The following PBX1 variants were observed in gnomAD, a reference collection of about 807,000 sequenced individuals.
PBX1 encodes the protein pre-B-cell leukemia transcription factor 1.
Under a neutral mutation model 53.4 loss-of-function variants are expected in PBX1, and 6 were observed. The ratio of observed to expected loss-of-function variants is 0.11; its 90% CI spans 0.06 to 0.22. PBX1 has a LOEUF of 0.22. PBX1 is among the 10% of genes least tolerant of loss of function. PBX1 has a pLI of 1.00. For synonymous variants in PBX1, 204 were observed against 212.3 expected (o/e 0.96, Z 0.34); for missense variants, 251 against 551.4 (o/e 0.46, Z 5.46).
chr1:164,787,015 C>G (rs1181212170), intron 2 of PBX1, among the ~76,000 whole-genome samples: 1 of 152,154 alleles, frequency 6.6e-6, no homozygotes, highest in African/African-American at 2.4e-5. Flanking sequence ...CTCTGATGCT[C>G]TCAGGAAGCA....
chr1:164,734,178 T>C (rs927163743), intron 2 of PBX1, among the ~76,000 whole-genome samples: 1 of 152,228 alleles, frequency 6.6e-6, no homozygotes. Context: ...CCTACCACTA[T>C]GTACTTTGGA....
At chr1:164,609,196 C>T (rs1245123299) in intron 2 of PBX1, among the ~76,000 whole-genome samples, 1 of 151,960 alleles carries the variant, frequency 6.6e-6, no homozygotes, top group Non-Finnish European at 1.5e-5. Context: ...CCACACTACA[C>T]TGATGTACAG....
chr1:164,850,507 T>C lies in PBX1; in HGVS notation c.*3831T>C, dbSNP rs149358308. On this transcript the variant is annotated 3_prime_UTR_variant, in exon 9 of 9. Transcript: ENST00000420696. ...TTTGTTTTGTGTTATTTTTGGTTTG[T>C]TTATTGGGGGGCTTTTTTTAATTGT... is the stretch of plus-strand genomic sequence containing the variant. 0.014 allele frequency: 2,755 copies of C among 196,066 alleles called. 30 individuals carry two copies. Among genetic ancestry groups the C allele is most frequent in the Admixed American group, 0.03 (492 of 16,422 alleles). The allele number at this position is 196,066 out of a possible 1,614,324, so 12.1% of individuals were successfully genotyped here.
At chr1:164,802,192 T>C (rs1669111952) in intron 4 of PBX1, among the ~76,000 whole-genome samples, 1 of 152,268 alleles carries the variant, frequency 6.6e-6, no homozygotes, top group African/African-American at 2.4e-5. Context: ...TTTCTATTGC[T>C]GCGTAGCAGA....
chr1:164,572,789 G>A (rs756821377), intron 2 of PBX1, among the ~76,000 whole-genome samples: 2 of 152,170 alleles, frequency 1.3e-5, no homozygotes, highest in Non-Finnish European at 1.5e-5. Context: ...GGCCACTACT[G>A]TTATTTTTCT....
chr1:164,690,503 C>T lies in PBX1; in HGVS notation c.266-101991C>T, dbSNP rs114983298. ...AGAATACATTGTTCGGGCGCAGTGG[C>T]TCATGTCTGTAATCCTAGCATGGGA... is the stretch of plus-strand genomic sequence containing the variant. On this transcript the variant is annotated intron_variant, in intron 2 of 8. Coordinates refer to ENST00000420696, the MANE Select transcript of PBX1 (RefSeq NM_002585.4). Among the ~76,000 whole-genome samples the T allele has an allele frequency of 2.9e-3, 444 of 152,058 alleles. 1 individual carries two copies. The highest frequency in any genetic ancestry group is 0.01 in the African/African-American group (427 of 41,456).
chr1:164,812,193 C>T, intron 6 of PBX1, 44 bp downstream of exon 6: 1 of 1,550,764 alleles, frequency 6.4e-7, no homozygotes, highest in South Asian at 1.2e-5. Flanking sequence ...GAATTGTTCT[C>T]CATTTTTATA....
chr1:164,637,982 G>A (rs1658885737), intron 2 of PBX1, among the ~76,000 whole-genome samples: 2 of 152,192 alleles, frequency 1.3e-5, no homozygotes, highest in Non-Finnish European at 2.9e-5. Flanking sequence ...TGATTAAATA[G>A]AGCCATCGTG....
intron 3 of PBX1, among the ~76,000 whole-genome samples, chr1:164,794,480 A>G (rs1668689624): frequency 6.6e-6 from 1 of 151,988 alleles, no homozygotes; most frequent in African/African-American, 2.4e-5. Flanking sequence ...AGGGGAGGAA[A>G]ATAAAAGCAA....
intron 2 of PBX1, among the ~76,000 whole-genome samples, chr1:164,685,473 T>G (rs1383745326): frequency 6.6e-6 from 1 of 152,204 alleles, no homozygotes; most frequent in Non-Finnish European, 1.5e-5. Flanking sequence ...CAGAGTCCAC[T>G]TCCTCCCAGT....
At chr1:164,720,842 C>T (rs1479201607) in intron 2 of PBX1, among the ~76,000 whole-genome samples, 1 of 152,184 alleles carries the variant, frequency 6.6e-6, no homozygotes, top group Non-Finnish European at 1.5e-5. Context: ...GCCTTATGAC[C>T]TCTGTCCAAG....
intron 2 of PBX1, among the ~76,000 whole-genome samples, chr1:164,667,716 G>A (rs41515147): frequency 0.033 from 5,065 of 152,206 alleles, 123 homozygotes; most frequent in Admixed American, 0.057. Context: ...CCGAGACAAC[G>A]CATTTCAAAT....
chr1:164,675,876 C>T lies in PBX1; in HGVS notation c.265+112565C>T, dbSNP rs537791621. Among the ~76,000 whole-genome samples the T allele has an allele frequency of 4.6e-5, 7 of 152,238 alleles. No individual in the cohort carries two copies. In the East Asian group the frequency reaches 1.4e-3, roughly 29 times the overall value. On this transcript the variant is annotated intron_variant, in intron 2 of 8. Transcript: ENST00000420696. ...AGGTTTTAGACTTTTTGTGCATGCC[C>T]GTGTTCTGTGTGGACTGTGTGCCAG...
intron 2 of PBX1, among the ~76,000 whole-genome samples, chr1:164,777,777 T>A (rs1030719263): frequency 1.3e-5 from 2 of 152,192 alleles, no homozygotes; most frequent in Admixed American, 1.3e-4. Context: ...AAAGCAGAAA[T>A]CTCTTAGTCT....
chr1:164,786,047 A>T (rs1200111656), intron 2 of PBX1, among the ~76,000 whole-genome samples: 1 of 152,190 alleles, frequency 6.6e-6, no homozygotes, highest in East Asian at 1.9e-4. Flanking sequence ...ACAGCCTTCT[A>T]CCCAACAGCA....
chr1:164,643,022 G>A (rs1659235847), intron 2 of PBX1, among the ~76,000 whole-genome samples: 1 of 152,158 alleles, frequency 6.6e-6, no homozygotes, highest in Non-Finnish European at 1.5e-5. Flanking sequence ...TTCACTGGGA[G>A]CCTCCTGGGC....
chr1:164,617,492 G>A (rs1657357662), intron 2 of PBX1, among the ~76,000 whole-genome samples: 1 of 152,214 alleles, frequency 6.6e-6, no homozygotes, highest in Non-Finnish European at 1.5e-5. Flanking sequence ...CTGGTTATTT[G>A]TTTTAGTGTT....
At chr1:164,873,655 ACAG>A (rs1311470912) in intron 2 of PBX1, among the ~76,000 whole-genome samples, 2 of 152,228 alleles carry the variant, frequency 1.3e-5, no homozygotes, top group East Asian at 3.9e-4. Flanking sequence ...GCCTCTAAAC[ACAG>A]CATCAAAGGA....
At chr1:164,842,105 A>C (rs902765544) in intron 8 of PBX1, among the ~76,000 whole-genome samples, 1 of 152,186 alleles carries the variant, frequency 6.6e-6, no homozygotes, top group African/African-American at 2.4e-5. Flanking sequence ...GAGATGGGGC[A>C]GGTGCTTCTC....
Sources: gnomAD v4.1 joint callset for allele counts (sites outside exome capture counted in the v4.1 genomes callset) on GRCh38, gnomAD v4.1.1 for gene constraint, MANE v1.5 for transcripts, NCBI Gene and HGNC (gene_info 2026-07-23, HGNC 2026-07-21) for gene names.